METTL24: variants seen among roughly 807,000 people sequenced by gnomAD.
METTL24 encodes the protein probable methyltransferase-like protein 24.
In METTL24, 29 loss-of-function variants were observed where a neutral mutation model predicts 32.7. The observed-to-expected ratio is 0.89, with a 90% CI of 0.66 to 1.21. The LOEUF is 1.21. METTL24 is among the 50% of genes most tolerant of loss of function. METTL24 has a pLI of 0.00. For missense variants in METTL24, 439 were observed against 468.1 expected (o/e 0.94, Z 0.57); for synonymous variants, 163 against 179.5 (o/e 0.91, Z 0.73).
At chr6:110,299,768 T>C (rs1326813433) in intron 3 of METTL24, among the ~76,000 whole-genome samples, 3 of 152,210 alleles carry the variant, frequency 2.0e-5, no homozygotes, top group Non-Finnish European at 4.4e-5. Context: ...TAATTGTACT[T>C]AAGTACTCAA....
At chr6:110,269,125 T>C (rs1196012872) in intron 4 of METTL24, among the ~76,000 whole-genome samples, 2 of 152,184 alleles carry the variant, frequency 1.3e-5, no homozygotes, top group Non-Finnish European at 2.9e-5. Flanking sequence ...AAGCGGTTGC[T>C]GTTTAAGATA....
Position 110,358,190 on chromosome 6 carries a change from C to T in METTL24, c.83G>A (p.Arg28Gln), listed in dbSNP as rs1233481238. The change falls in exon 1 of 5, where the codon CGG becomes CAG. Residue 28 changes from arginine (R) to glutamine (Q), a missense_variant. Arg to Gln is a conservative substitution (Grantham distance 43, BLOSUM62 1). Transcript: ENST00000338882. Reference sequence around the variant, plus strand: ...GGCGCGCCGCAGCTCTGCGCAGAGCCGCAGGCCGAACAACAGCACAGCCCC... The same window carrying T: ...GGCGCGCCGCAGCTCTGCGCAGAGCTGCAGGCCGAACAACAGCACAGCCCC... ...LLGAVLLFGL[R>Q]LCAELRRAGP... is the part of the protein sequence containing the mutation. The T allele has an allele frequency of 5.5e-6, 8 of 1,445,016 alleles. No individual in the cohort carries two copies. In the Admixed American group the frequency reaches 1.0e-4, roughly 19 times the overall value. The allele number at this position is 1,445,016 out of a possible 1,614,324, so 89.5% of individuals were successfully genotyped here.
intron 4 of METTL24, among the ~76,000 whole-genome samples, chr6:110,295,945 A>G (rs1771409822): frequency 6.6e-6 from 1 of 152,080 alleles, no homozygotes; most frequent in African/African-American, 2.4e-5. Flanking sequence ...AGACTTTCAC[A>G]CTATGTTCTC....
chr6:110,311,349 T>C (rs779025298), intron 3 of METTL24, among the ~76,000 whole-genome samples: 1 of 152,184 alleles, frequency 6.6e-6, no homozygotes, highest in East Asian at 1.9e-4. Context: ...CAGTTTTCAA[T>C]TAAGTGCTTT....
chr6:110,345,756 T>C (rs967173490), intron 1 of METTL24, among the ~76,000 whole-genome samples: 11 of 151,982 alleles, frequency 7.2e-5, no homozygotes, highest in African/African-American at 2.4e-4. Context: ...AAGAGAACAA[T>C]AGACACTGAC....
chr6:110,330,967 G>T (rs919868682), intron 1 of METTL24, among the ~76,000 whole-genome samples: 5 of 152,180 alleles, frequency 3.3e-5, no homozygotes, highest in African/African-American at 1.2e-4. Flanking sequence ...TACAGATGTT[G>T]AAATTTTTGG....
intron 4 of METTL24, among the ~76,000 whole-genome samples, chr6:110,278,088 T>C (rs118125136): frequency 0.011 from 1,608 of 152,292 alleles, 13 homozygotes; most frequent in Middle Eastern, 0.017. Context: ...TTTAGCATTG[T>C]TTGTAACAAC....
intron 2 of METTL24, among the ~76,000 whole-genome samples, chr6:110,318,971 C>A (rs1028973626): frequency 1.3e-5 from 2 of 152,096 alleles, no homozygotes; most frequent in East Asian, 1.9e-4. Flanking sequence ...CCAAATAAAG[C>A]AAATTAGGCC....
intron 3 of METTL24, among the ~76,000 whole-genome samples, chr6:110,313,244 C>T (rs1771757353): frequency 6.6e-6 from 1 of 152,206 alleles, no homozygotes; most frequent in African/African-American, 2.4e-5. Flanking sequence ...ATGCTCCCAA[C>T]ACATAGACAT....
intron 4 of METTL24, among the ~76,000 whole-genome samples, chr6:110,275,124 A>AC (rs1771025813): frequency 6.6e-6 from 1 of 151,294 alleles, no homozygotes; most frequent in South Asian, 2.1e-4. Flanking sequence ...TTAATGACCT[A>AC]TGTCTACTCT....
intron 2 of METTL24, among the ~76,000 whole-genome samples, chr6:110,319,809 T>A (rs1035241262): frequency 2.0e-5 from 3 of 152,116 alleles, no homozygotes; most frequent in Non-Finnish European, 4.4e-5. Flanking sequence ...TAAAAATGCA[T>A]GACCCCAACC....
intron 4 of METTL24, among the ~76,000 whole-genome samples, chr6:110,280,475 C>G (rs1765550749): frequency 6.6e-6 from 1 of 151,978 alleles, no homozygotes; most frequent in African/African-American, 2.4e-5. Context: ...CAGAATTTTG[C>G]TATTACAAAC....
chr6:110,282,895 G>A (rs944763155), intron 4 of METTL24, among the ~76,000 whole-genome samples: 2 of 152,088 alleles, frequency 1.3e-5, no homozygotes, highest in Non-Finnish European at 2.9e-5. Context: ...TAATAATTAT[G>A]TCTTTCATTA....
chr6:110,262,881 T>A (rs1770766175), intron 4 of METTL24, among the ~76,000 whole-genome samples: 1 of 152,150 alleles, frequency 6.6e-6, no homozygotes, highest in South Asian at 2.1e-4. Flanking sequence ...CATGATTATC[T>A]CAATAGATGC....
chr6:110,247,019 CAG>C (rs1206771157), intron 4 of METTL24, among the ~76,000 whole-genome samples: 1 of 150,278 alleles, frequency 6.7e-6, no homozygotes, highest in Non-Finnish European at 1.5e-5. Flanking sequence ...TCAAGTGAGA[CAG>C]AATAAAGGAA....
rs181706880 is a variant in METTL24 at position 110,337,644 on chromosome 6, T to C, written c.319-14772A>G. Reference sequence around the variant, plus strand: ...TCAGGGAAGTTAGGAAGTGCCCAGATAGACCATAAGGAAATTCCAGTTACA... The same window carrying C: ...TCAGGGAAGTTAGGAAGTGCCCAGACAGACCATAAGGAAATTCCAGTTACA... On this transcript the variant is annotated intron_variant, in intron 1 of 4. Coordinates refer to ENST00000338882, the MANE Select transcript of METTL24 (RefSeq NM_001123364.3). 1.6e-3 allele frequency among the ~76,000 whole-genome samples: 246 copies of C among 152,278 alleles called. 2 individuals are homozygous for C. Among genetic ancestry groups the C allele is most frequent in the African/African-American group, 5.4e-3 (224 of 41,558 alleles).
At chr6:110,261,098 T>G (rs1421262112) in intron 4 of METTL24, among the ~76,000 whole-genome samples, 2 of 152,088 alleles carry the variant, frequency 1.3e-5, no homozygotes, top group African/African-American at 4.8e-5. Flanking sequence ...AATGACAGGA[T>G]CAAATTCACA....
chr6:110,260,261 A>C (rs2114698858), intron 4 of METTL24, among the ~76,000 whole-genome samples: 1 of 152,372 alleles, frequency 6.6e-6, no homozygotes, highest in South Asian at 2.1e-4. Context: ...AATGCAGAGA[A>C]GTCCTTAAAG....
intron 3 of METTL24, among the ~76,000 whole-genome samples, chr6:110,307,907 A>G (rs1425968297): frequency 6.6e-6 from 1 of 152,218 alleles, no homozygotes; most frequent in Non-Finnish European, 1.5e-5. Flanking sequence ...ATTGTTCTGC[A>G]TATATTAATG....
Sources: gnomAD v4.1 joint callset for allele counts (sites outside exome capture counted in the v4.1 genomes callset) on GRCh38, gnomAD v4.1.1 for gene constraint, MANE v1.5 for transcripts, NCBI Gene and HGNC (gene_info 2026-07-23, HGNC 2026-07-21) for gene names.